The following ZFR2 variants were observed in gnomAD, a reference collection of about 807,000 sequenced individuals.
ZFR2 encodes zinc finger RNA-binding protein 2.
Under a neutral mutation model 105.7 loss-of-function variants are expected in ZFR2, and 104 were observed. That is an observed-to-expected ratio of 0.98 (90% CI 0.84 to 1.16). The LOEUF is 1.16. Among genes scored for constraint, ZFR2 ranks in the 50% most tolerant of loss-of-function variants. The pLI is 0.00. For synonymous variants in ZFR2, 634 were observed against 597.7 expected, an observed-to-expected ratio of 1.06 and a Z score of -0.89; for missense variants, 1,425 against 1,355.5, an observed-to-expected ratio of 1.05 and a Z score of -0.80.
rs767595355 is a variant in ZFR2, at chr19:3,810,833, C to T, written c.2350G>A (p.Gly784Ser). The T allele has an allele frequency of 8.7e-5, 135 of 1,550,126 alleles. 1 individual carries two copies. Among genetic ancestry groups the T allele is most frequent in the Middle Eastern group, 3.3e-4 (2 of 6,010 alleles). Residue 784 changes from glycine to serine, a missense_variant, in exon 16 of 19, where the codon GGC becomes AGC. By Grantham distance (56) the Gly-to-Ser change is moderately conservative (BLOSUM62 0). Coordinates refer to ENST00000262961, the MANE Select transcript of ZFR2 (RefSeq NM_015174.2). ...HARWFQARASGLQPCVIVIRV... is the reference protein window; with the variant it reads ...HARWFQARASSLQPCVIVIRV... Reference sequence around the variant, plus strand: ...ATGACGATCACGCATGGCTGCAGGCCGCTGGCTCGAGCCTTCGGGGGAGAA... The same window carrying T: ...ATGACGATCACGCATGGCTGCAGGCTGCTGGCTCGAGCCTTCGGGGGAGAA...
intron 13 of ZFR2, among the ~76,000 whole-genome samples, chr19:3,815,100 T>C (rs2037811193): frequency 6.6e-6 from 1 of 151,958 alleles, no homozygotes; most frequent in South Asian, 2.1e-4. Context: ...CTTTCTTTCT[T>C]TTTTTTTAAG....
chr19:3,831,200 A>G (rs12461577), intron 5 of ZFR2, 103 bp downstream of exon 5: 553,017 of 1,409,282 alleles, frequency 0.39, 109,248 homozygotes, highest in East Asian at 0.46. Context: ...ACCTTCTTTC[A>G]GCAGGCAGCG....
chr19:3,808,611 A>G (rs936455234), intron 17 of ZFR2, among the ~76,000 whole-genome samples: 5 of 152,224 alleles, frequency 3.3e-5, no homozygotes, highest in Non-Finnish European at 7.3e-5. Context: ...ACCAGAGAAC[A>G]TAACTGTTGT....
At chr19:3,836,028 G>A (rs2038074088) in intron 1 of ZFR2, among the ~76,000 whole-genome samples, 1 of 152,074 alleles carries the variant, frequency 6.6e-6, no homozygotes, top group African/African-American at 2.4e-5. Flanking sequence ...CCCCTCAGAT[G>A]CCAAAATCCA....
chr19:3,824,594 G>A (rs1445481755), intron 7 of ZFR2, among the ~76,000 whole-genome samples: 2 of 152,172 alleles, frequency 1.3e-5, no homozygotes, highest in Admixed American at 6.6e-5. Context: ...CCCTGTAGGT[G>A]CAGGGTGAGG....
At chr19:3,868,170 A>C (rs1249634883) in intron 1 of ZFR2, among the ~76,000 whole-genome samples, 1 of 138,794 alleles carries the variant, frequency 7.2e-6, no homozygotes, top group Non-Finnish European at 1.6e-5. Context: ...CTGTCCAGCC[A>C]GACACCCTCC....
At chr19:3,821,542 A>C in intron 9 of ZFR2, 63 bp from the exon 10 acceptor site, 1 of 1,349,344 alleles carries the variant, frequency 7.4e-7, no homozygotes, top group Non-Finnish European at 9.8e-7. Flanking sequence ...TGCCAGGAGG[A>C]TCTTGGGGTG....
chr19:3,828,305 T>C (rs574309141), intron 5 of ZFR2, among the ~76,000 whole-genome samples: 1 of 152,242 alleles, frequency 6.6e-6, no homozygotes, highest in East Asian at 1.9e-4. Flanking sequence ...CCACCACGCG[T>C]AGCTAATTCA....
chr19:3,834,672 G>A lies in ZFR2; in HGVS notation c.264+101C>T. 1.6e-6 allele frequency: 2 copies of A among 1,253,230 alleles called. No individual in the cohort carries two copies. Among genetic ancestry groups the A allele is most frequent in the Non-Finnish European group, 2.3e-6 (2 of 885,666 alleles). 77.6% of individuals were successfully genotyped at this position (1,253,230 alleles called of 1,614,324 possible). ...GTCCCGAAGGAAGGATCACGGTTAA[G>A]AGGCCTGGGAGAAGGAGTAGCTGTG... On this transcript the variant is annotated intron_variant, in intron 2 of 18. Transcript: ENST00000262961. The surrounding 1 kb of genome is among the most constrained non-coding windows in gnomAD (Gnocchi z 5.3).
At chr19:3,809,031 C>A in intron 16 of ZFR2, 48 bp from the exon 17 acceptor site, 2 of 1,442,156 alleles carry the variant, frequency 1.4e-6, no homozygotes, top group South Asian at 2.7e-5. Context: ...GCGCGGCAGC[C>A]CCTGCCTGCC....
chr19:3,816,749 G>C lies in ZFR2; in HGVS notation c.2028C>G (p.Leu676=), dbSNP rs754792465. 8.1e-6 allele frequency: 13 copies of C among 1,612,324 alleles called. No individual in the cohort carries two copies. The highest frequency in any genetic ancestry group is 9.3e-6 in the Non-Finnish European group (11 of 1,179,754). ...TGGGCTTCTCGGAGCAGAGCAGAGCGAGGCGCACGTTCCTGTCCCCACGCA... is the reference window on the plus strand; with the variant it reads ...TGGGCTTCTCGGAGCAGAGCAGAGCCAGGCGCACGTTCCTGTCCCCACGCA... The part of the protein sequence containing the change: ...LLLRGDRNVR[L]ALLCSEKPTH... The change falls in exon 13 of 19, where the codon CTC becomes CTG. Residue 676 remains leucine (L), a synonymous_variant. Transcript: ENST00000262961.
intron 11 of ZFR2, 130 bp downstream of exon 11, chr19:3,820,052 G>T (rs3815185): frequency 1.1e-5 from 10 of 871,728 alleles, no homozygotes; most frequent in East Asian, 5.4e-5. Flanking sequence ...GAGGAGGCCT[G>T]GGCCATGGAG....
intron 1 of ZFR2, among the ~76,000 whole-genome samples, chr19:3,836,020 C>G (rs2038074040): frequency 6.6e-6 from 1 of 152,066 alleles, no homozygotes; most frequent in African/African-American, 2.4e-5. Context: ...TCCAGGACCC[C>G]CTCAGATGCC....
intron 13 of ZFR2, among the ~76,000 whole-genome samples, chr19:3,815,843 C>T (rs1181312071): frequency 6.6e-6 from 1 of 151,796 alleles, no homozygotes; most frequent in Non-Finnish European, 1.5e-5. Context: ...CCTCTGCCTC[C>T]CGGGTTCATG....
At chr19:3,861,886 A>T (rs1162020512) in intron 1 of ZFR2, among the ~76,000 whole-genome samples, 1 of 152,186 alleles carries the variant, frequency 6.6e-6, no homozygotes, top group East Asian at 1.9e-4. Context: ...AGATCGCGCC[A>T]TTGCACTCCA....
At chr19:3,857,754 A>G (rs2038324289) in intron 1 of ZFR2, among the ~76,000 whole-genome samples, 1 of 151,610 alleles carries the variant, frequency 6.6e-6, no homozygotes, top group African/African-American at 2.4e-5. Flanking sequence ...CCCATAACCA[A>G]TGAGCCCAGG....
chr19:3,809,982 A>C (rs1443180689), intron 16 of ZFR2, among the ~76,000 whole-genome samples: 1 of 152,174 alleles, frequency 6.6e-6, no homozygotes, highest in Middle Eastern at 3.2e-3. Flanking sequence ...AAAGAGACTT[A>C]ATCTCTACCA....
At chr19:3,868,661 C>T (rs1045646266) in intron 1 of ZFR2, among the ~76,000 whole-genome samples, 4 of 151,732 alleles carry the variant, frequency 2.6e-5, no homozygotes, top group Non-Finnish European at 5.9e-5. Context: ...CGACCCCGCA[C>T]AGGCCCAGGC....
At chr19:3,865,045 G>A (rs775683039) in intron 1 of ZFR2, among the ~76,000 whole-genome samples, 11 of 152,144 alleles carry the variant, frequency 7.2e-5, no homozygotes, top group Admixed American at 3.9e-4. Flanking sequence ...CACCGTGCCC[G>A]GCCTGCGCTC....
Sources: gnomAD v4.1 joint callset for allele counts (sites outside exome capture counted in the v4.1 genomes callset) on GRCh38, gnomAD v4.1.1 for gene constraint, Gnocchi (gnomAD v3.1) non-coding constraint, MANE v1.5 for transcripts, NCBI Gene and HGNC (gene_info 2026-07-23, HGNC 2026-07-21) for gene names.